VPS9D1: variants seen among roughly 807,000 people sequenced by gnomAD.
VPS9D1 encodes VPS9 domain-containing protein 1.
A neutral mutation model predicts 75.8 loss-of-function variants in VPS9D1; 78 were observed. That is an observed-to-expected ratio of 1.03 (90% CI 0.86 to 1.24). The LOEUF is 1.24. VPS9D1 is among the 50% of genes most tolerant of loss of function. The pLI, the probability that VPS9D1 is intolerant of heterozygous loss-of-function variation, is 0.00. For synonymous variants in VPS9D1, 481 were observed against 385.6 expected (o/e 1.25, Z -2.90); for missense variants, 1,057 against 847.7 (o/e 1.25, Z -3.07).
rs2060861848 is a variant in VPS9D1, at chr16:89,709,298, T to C, written c.1526A>G (p.Tyr509Cys). 4.4e-6 allele frequency: 7 copies of C among 1,608,992 alleles called. No individual in the cohort carries two copies. The highest frequency in any genetic ancestry group is 5.1e-6 in the Non-Finnish European group (6 of 1,179,060). Residue 509 changes from tyrosine (Y) to cysteine (C), a missense_variant, in exon 12 of 15, where the codon TAC becomes TGC. Transcript: ENST00000389386. ...TCCGAGCTCCTGGGCCGCCGCGCAG[T>C]AGGGGTAGCCAGTGGCCCCCTTGGC... ...PEAKGATGYPYCAAAQELGLL... is the reference protein window; with the variant it reads ...PEAKGATGYPCCAAAQELGLL...
At chr16:89,716,865 C>G in intron 2 of VPS9D1, 43 bp from the exon 3 acceptor site, 1 of 1,515,272 alleles carries the variant, frequency 6.6e-7, no homozygotes, top group Non-Finnish European at 8.9e-7. Context: ...GGCTCTACCA[C>G]TGTTACTTAC....
chr16:89,717,386 A>C (rs1597929793), intron 2 of VPS9D1: 1 of 370,538 alleles, frequency 2.7e-6, no homozygotes, highest in Non-Finnish European at 5.4e-6. Flanking sequence ...GGACGTGCTG[A>C]GGGGATCGCC....
At position 89,711,894 on chromosome 16, in the gene VPS9D1, G is replaced by C. The variant is rs1567545553; in HGVS notation, c.735C>G (p.Tyr245Ter). 10 of 1,551,072 alleles carry C rather than the reference G, an allele frequency of 6.4e-6. No individual in the cohort carries two copies. The Admixed American group carries it at 7.8e-5, about 12-fold the overall frequency. ...GTGGGGGACGCACATGGTCCTGTTC[G>C]TACTCCAGGATGGCGGCGTAAAGGG... ...QRALYAAILEYEQDHDWPKHW... is the reference protein window; with the variant it reads ...QRALYAAILE The change falls in exon 8 of 15, where the codon TAC becomes TAG. Residue 245 changes from tyrosine to a stop codon, truncating the protein, a stop_gained. Transcript: ENST00000389386. LOFTEE classifies it high-confidence loss of function.
chr16:89,718,103 C>CT, intron 2 of VPS9D1: 1 of 455,218 alleles, frequency 2.2e-6, no homozygotes, highest in South Asian at 1.6e-5. Flanking sequence ...CCCCTGACCT[C>CT]TGTGATCCTT....
chr16:89,710,161 C>G (rs2060882658), intron 10 of VPS9D1, among the ~76,000 whole-genome samples: 1 of 152,194 alleles, frequency 6.6e-6, no homozygotes, highest in South Asian at 2.1e-4. Context: ...GGGGCTTTAC[C>G]CAAAACTGCA....
At chr16:89,716,685 G>A (rs775806370) in intron 3 of VPS9D1, 45 bp downstream of exon 3, 1 of 1,597,470 alleles carries the variant, frequency 6.3e-7, no homozygotes, top group Non-Finnish European at 8.5e-7. Context: ...GGAGATGCGG[G>A]CTTGGGGGAT....
chr16:89,715,003 T>C (rs2061027728), intron 4 of VPS9D1, among the ~76,000 whole-genome samples: 2 of 152,276 alleles, frequency 1.3e-5, no homozygotes, highest in African/African-American at 4.8e-5. Context: ...TCCCATTTTC[T>C]TTCTGGAACT....
intron 8 of VPS9D1, 121 bp from the exon 9 acceptor site, chr16:89,711,533 C>A: frequency 1.0e-6 from 1 of 982,548 alleles, no homozygotes; most frequent in Non-Finnish European, 1.5e-6. Context: ...GCAGGAGACC[C>A]AGCGCCAGCA....
rs1211142290 is a variant in VPS9D1, at chr16:89,710,774, G to A, written c.1070C>T (p.Pro357Leu). Residue 357 changes from proline to leucine, a missense_variant, in exon 10 of 15, where the codon CCC (proline) becomes CTC (leucine). Pro to Leu is a moderately conservative substitution (Grantham distance 98, BLOSUM62 -3). Transcript: ENST00000389386. ...GGGTGAGGGAGACCCCACGGGGCCG[G>A]GTTGGAGTGGGGGCGTGGGGGGACT... is the stretch of plus-strand genomic sequence containing the variant. ...QDSPPTPPLQ[P>L]GPVGSPSPLG... is the part of the protein sequence containing the mutation. 3.2e-6 allele frequency: 5 copies of A among 1,556,068 alleles called. No individual in the cohort carries two copies. The highest frequency in any genetic ancestry group is 4.3e-6 in the Non-Finnish European group (5 of 1,150,024).
rs569869137 is a variant in VPS9D1, at chr16:89,717,862, C to T, written c.176-1040G>A. 163 of 450,604 alleles carry T rather than the reference C, an allele frequency of 3.6e-4. 1 individual carries two copies. The highest frequency in any genetic ancestry group is 5.6e-4 in the Non-Finnish European group (124 of 222,828). 27.9% of individuals were successfully genotyped at this position (450,604 alleles called of 1,614,324 possible). On this transcript the variant is annotated intron_variant, in intron 2 of 14. Coordinates refer to ENST00000389386, the MANE Select transcript of VPS9D1 (RefSeq NM_004913.3). The stretch of plus-strand genomic sequence containing the variant: ...GTGTGATCCTACGTCCAGTGGCTGC[C>T]CCGACCTCTGTGATCCCACGTCCAG...
chr16:89,714,291 T>TGTGTGGCCCAAGACAATTCTTCCA (rs1325071757), intron 4 of VPS9D1, among the ~76,000 whole-genome samples: 46 of 152,234 alleles, frequency 3.0e-4, no homozygotes, highest in South Asian at 2.3e-3. Context: ...GCGTATTTTA[T>TGTGTGGCCCAAGACAATTCTTCCA]GTGTGGCCCA....
chr16:89,716,393 C>A, intron 4 of VPS9D1, 69 bp downstream of exon 4: 3 of 1,597,324 alleles, frequency 1.9e-6, no homozygotes, highest in South Asian at 1.1e-5. Context: ...TCGCTGTCAT[C>A]AGCTCATCTT....
In VPS9D1 at chr16:89,712,689, G is replaced by A; in HGVS notation, c.459C>T (p.Ser153=). 1 of 1,610,584 alleles carries A rather than the reference G, an allele frequency of 6.2e-7. No homozygotes were observed. The highest frequency in any genetic ancestry group is 8.5e-7 in the Non-Finnish European group (1 of 1,177,816). The change falls in exon 5 of 15, where the codon TCC becomes TCT. Residue 153 remains serine (S), a synonymous_variant. Transcript: ENST00000389386. ...CAGCCTTCAGCTTCTGATTCTGCAG[G>A]GAGGCCTCCTCCAGTGGCGTCAGCT... ...KKELTPLEEA[S]LQNQKLKAAY... is the part of the protein sequence containing the mutation.
intron 10 of VPS9D1, 94 bp from the exon 11 acceptor site, chr16:89,710,000 C>G (rs1034517074): frequency 2.0e-6 from 3 of 1,496,004 alleles, no homozygotes; most frequent in South Asian, 2.7e-5. Flanking sequence ...CCCAAGAAAC[C>G]TCTTTCCACC....
chr16:89,709,147 C>T (rs2060857986), intron 12 of VPS9D1, 80 bp downstream of exon 12: 2 of 1,586,006 alleles, frequency 1.3e-6, no homozygotes, highest in Admixed American at 3.4e-5. Context: ...ACAAGAGAAG[C>T]TCAGTGGTGA....
chr16:89,718,180 C>A, intron 2 of VPS9D1: 1 of 407,458 alleles, frequency 2.5e-6, no homozygotes, highest in South Asian at 1.8e-5. Flanking sequence ...CCTCTCCTTG[C>A]CAGTTTGCTC....
intron 8 of VPS9D1, 168 bp downstream of exon 8, chr16:89,711,714 C>T: frequency 3.4e-6 from 3 of 874,786 alleles, no homozygotes; most frequent in Middle Eastern, 3.6e-4. Flanking sequence ...CCCCACGCAG[C>T]CCTGGCCCCG....
intron 4 of VPS9D1, among the ~76,000 whole-genome samples, chr16:89,713,611 A>G (rs1222546302): frequency 1.3e-5 from 2 of 152,130 alleles, no homozygotes; most frequent in South Asian, 2.1e-4. Context: ...GATCCGTTAT[A>G]TGTGTTTGGC....
At chr16:89,709,102 T>A in intron 12 of VPS9D1, 125 bp downstream of exon 12, 1 of 1,378,412 alleles carries the variant, frequency 7.3e-7, no homozygotes. Flanking sequence ...GACACCACTT[T>A]TGTTCTGGTC....
Sources: allele counts gnomAD v4.1 joint callset (sites outside exome capture counted in the v4.1 genomes callset), GRCh38; gene constraint gnomAD v4.1.1; transcripts MANE v1.5; gene names NCBI Gene and HGNC (gene_info 2026-07-23, HGNC 2026-07-21).